The following VRK2 variants were observed in gnomAD, a reference collection of about 807,000 sequenced individuals.
VRK2 encodes VRK serine/threonine kinase 2, also known as serine/threonine-protein kinase VRK2.
Under a neutral mutation model 57.6 loss-of-function variants are expected in VRK2, and 60 were observed. That is an observed-to-expected ratio of 1.04 (90% CI 0.85 to 1.29). The LOEUF (loss-of-function observed/expected upper bound fraction) is 1.29. Ranked by LOEUF, VRK2 falls within the 50% of genes most tolerant of loss-of-function variation. The pLI is 0.00. For synonymous variants in VRK2, 231 were observed against 199.2 expected (o/e 1.16, Z -1.35); for missense variants, 705 against 588.1 (o/e 1.20, Z -2.06).
At chr2:58,157,913 A>C (rs903350568) in intron 12 of VRK2, among the ~76,000 whole-genome samples, 9 of 152,204 alleles carry the variant, frequency 5.9e-5, no homozygotes, top group African/African-American at 2.2e-4. Flanking sequence ...CAAAACAGGC[A>C]ACTAGCCAAG....
At chr2:57,992,195 A>T (rs1198008531) in intron 1 of VRK2, among the ~76,000 whole-genome samples, 1 of 152,184 alleles carries the variant, frequency 6.6e-6, no homozygotes, top group Non-Finnish European at 1.5e-5. Context: ...TGAAGAGAAG[A>T]TATTAGGTAC....
chr2:58,127,864 A>G (rs1249925012), intron 8 of VRK2, among the ~76,000 whole-genome samples: 1 of 152,176 alleles, frequency 6.6e-6, no homozygotes, highest in Non-Finnish European at 1.5e-5. Context: ...AAAACACTTT[A>G]GGCAAACAGG....
At chr2:58,003,034 A>G (rs939791048) in intron 1 of VRK2, among the ~76,000 whole-genome samples, 3 of 152,212 alleles carry the variant, frequency 2.0e-5, no homozygotes, top group Non-Finnish European at 2.9e-5. Context: ...TATGTACACT[A>G]CAATTTAGGT....
intron 1 of VRK2, among the ~76,000 whole-genome samples, chr2:57,920,010 A>T (rs1327269748): frequency 6.6e-6 from 1 of 152,138 alleles, no homozygotes; most frequent in African/African-American, 2.4e-5. Flanking sequence ...CCTTTTCATG[A>T]TAATTTATGA....
intron 7 of VRK2, among the ~76,000 whole-genome samples, chr2:58,116,015 A>G (rs1486283428): frequency 6.6e-6 from 1 of 152,236 alleles, no homozygotes; most frequent in African/African-American, 2.4e-5. Context: ...TAAGGCGCAG[A>G]TTCTGAACTA....
In VRK2 at chr2:57,953,087, TGAG is replaced by T. The variant is rs1331639593; in HGVS notation, c.-439+45255_-439+45257del. 5.3e-5 allele frequency among the ~76,000 whole-genome samples: 8 copies of T among 152,044 alleles called. No individual in the cohort carries two copies. In the South Asian group the frequency reaches 6.2e-4, roughly 12 times the overall value. ...GTTGAGAAACCTTAAAGACAAAAGG[TGAG>T]GAGGAGAAGAGGGAGCAGAATATTC... is the stretch of plus-strand genomic sequence containing the variant. On this transcript the variant is annotated intron_variant, in intron 1 of 15. Transcript: ENST00000417641.
intron 1 of VRK2, among the ~76,000 whole-genome samples, chr2:57,991,696 C>T (rs1422179163): frequency 1.3e-5 from 2 of 151,706 alleles, no homozygotes; most frequent in African/African-American, 4.8e-5. Context: ...CGCCTGTAAT[C>T]CCCAGCACTT....
intron 2 of VRK2, among the ~76,000 whole-genome samples, chr2:58,076,501 C>G (rs995457239): frequency 6.6e-6 from 1 of 151,950 alleles, no homozygotes; most frequent in Non-Finnish European, 1.5e-5. Flanking sequence ...TGCTTTTTCA[C>G]CATTGTAAAG....
intron 2 of VRK2, among the ~76,000 whole-genome samples, chr2:58,083,033 C>T (rs1671118687): frequency 6.6e-6 from 1 of 151,686 alleles, no homozygotes; most frequent in African/African-American, 2.4e-5. Context: ...TAATAGGACA[C>T]AGCATTTTAA....
chr2:58,041,418 G>A (rs900227293), intron 3 of VRK2, among the ~76,000 whole-genome samples: 3 of 152,064 alleles, frequency 2.0e-5, no homozygotes, highest in Non-Finnish European at 2.9e-5. Flanking sequence ...ATGGAAATGG[G>A]TGGTTGGGTA....
chr2:58,079,389 A>G (rs543159597), intron 2 of VRK2, among the ~76,000 whole-genome samples: 16 of 152,114 alleles, frequency 1.1e-4, no homozygotes, highest in Non-Finnish European at 5.9e-5. Context: ...CCATTTGCCT[A>G]TCTGTTTTAA....
chr2:58,066,116 G>A (rs1371454285), intron 2 of VRK2, among the ~76,000 whole-genome samples: 5 of 152,066 alleles, frequency 3.3e-5, no homozygotes, highest in African/African-American at 1.2e-4. Flanking sequence ...AACTTCCTGC[G>A]CTGGCTAGGA....
At chr2:58,084,250 A>T in intron 3 of VRK2, 112 bp downstream of exon 3, 1 of 1,099,310 alleles carries the variant, frequency 9.1e-7, no homozygotes, top group Non-Finnish European at 1.3e-6. Context: ...AGTAAACCTA[A>T]TGTTATCATC....
chr2:58,136,688 A>G (rs1169691313), intron 10 of VRK2, among the ~76,000 whole-genome samples: 1 of 150,836 alleles, frequency 6.6e-6, no homozygotes, highest in African/African-American at 2.4e-5. Context: ...CCTGGCCCTT[A>G]TTGGCACTTT....
intron 7 of VRK2, among the ~76,000 whole-genome samples, chr2:58,112,594 A>G (rs893338666): frequency 6.6e-6 from 1 of 151,242 alleles, no homozygotes; most frequent in African/African-American, 2.4e-5. Context: ...AAAAAGGCCT[A>G]CAAATTTATT....
intron 1 of VRK2, among the ~76,000 whole-genome samples, chr2:57,938,518 TTC>T (rs1361026963): frequency 2.0e-5 from 3 of 152,190 alleles, no homozygotes; most frequent in African/African-American, 7.2e-5. Context: ...AAATTGTACT[TTC>T]TAGAAAACAG....
chr2:57,977,520 T>C (rs1461014110), intron 1 of VRK2, among the ~76,000 whole-genome samples: 3 of 151,556 alleles, frequency 2.0e-5, no homozygotes, highest in Non-Finnish European at 4.4e-5. Context: ...GCTTGCAGGT[T>C]GGACATTGTT....
At chr2:58,081,614 A>G (rs557183830) in intron 2 of VRK2, among the ~76,000 whole-genome samples, 10 of 152,060 alleles carry the variant, frequency 6.6e-5, no homozygotes, top group African/African-American at 2.4e-4. Flanking sequence ...TCTATTTAAC[A>G]AACTGTAAGG....
intron 1 of VRK2, among the ~76,000 whole-genome samples, chr2:57,937,479 C>T (rs1020483096): frequency 2.0e-5 from 3 of 152,212 alleles, no homozygotes; most frequent in Non-Finnish European, 2.9e-5. Flanking sequence ...TAAAGAATTA[C>T]GATTCTTGTT....
Sources: gnomAD v4.1 joint callset for allele counts (sites outside exome capture counted in the v4.1 genomes callset) on GRCh38, gnomAD v4.1.1 for gene constraint, MANE v1.5 for transcripts, NCBI Gene and HGNC (gene_info 2026-07-23, HGNC 2026-07-21) for gene names.